FGF12: variants seen among roughly 807,000 people sequenced by gnomAD.
The protein encoded by FGF12 is fibroblast growth factor 12B.
FGF12 carries 14 observed loss-of-function variants against 23.6 expected under a neutral mutation model. The ratio of observed to expected loss-of-function variants is 0.59; its 90% CI spans 0.39 to 0.93. FGF12 has a LOEUF of 0.93. Among genes scored for constraint, FGF12 ranks in the 40% least tolerant of loss-of-function variants. FGF12 has a pLI of 0.00. For missense variants in FGF12, 175 were observed against 217.8 expected (o/e 0.80, Z 1.24); for synonymous variants, 62 against 77.3 (o/e 0.80, Z 1.04).
intron 4 of FGF12, among the ~76,000 whole-genome samples, chr3:192,256,421 TATAG>T (rs1355172637): frequency 2.0e-5 from 3 of 151,684 alleles, no homozygotes; most frequent in Non-Finnish European, 4.4e-5. Context: ...CTTGTTACTG[TATAG>T]ATATTTACAT....
intron 2 of FGF12, among the ~76,000 whole-genome samples, chr3:192,504,418 C>T (rs187404752): frequency 6.6e-6 from 1 of 152,342 alleles, no homozygotes; most frequent in Non-Finnish European, 1.5e-5. Flanking sequence ...TTTGCTCTCT[C>T]ACTTTCCACA....
chr3:192,143,750 T>A lies in FGF12; in HGVS notation c.*259A>T. On this transcript the variant is annotated 3_prime_UTR_variant, in exon 6 of 6. Coordinates refer to ENST00000445105, the MANE Select transcript of FGF12 (RefSeq NM_004113.6). ...CAGTTTAATTTAATATTTATGGAGT[T>A]CTGATTTATTTTTTCCTTTGCTTTT... 8.0e-6 allele frequency: 3 copies of A among 375,874 alleles called. No individual in the cohort carries two copies. Among genetic ancestry groups the A allele is most frequent in the Non-Finnish European group, 1.4e-5 (3 of 209,840 alleles). 23.3% of individuals were successfully genotyped at this position (375,874 alleles called of 1,614,324 possible). A position where few individuals can be genotyped will look rare whatever the true frequency, so the allele number is the denominator to read the frequency against.
Position 192,143,221 on chromosome 3 carries a change from TAAAAAA to T in FGF12, c.*782_*787del, listed in dbSNP as rs201536757. ...AACAGTAATGTTTTTGCTAAATTAC[TAAAAAA>T]AAAAAAAAAAGAAAGAAAGAAGAAC... On this transcript the variant is annotated 3_prime_UTR_variant, in exon 6 of 6. Coordinates refer to ENST00000445105, the MANE Select transcript of FGF12 (RefSeq NM_004113.6). The T allele has an allele frequency of 6.0e-5, 6 of 99,258 alleles. No individual in the cohort carries two copies. Among genetic ancestry groups the T allele is most frequent in the African/African-American group, 1.9e-4 (5 of 26,638 alleles). 6.1% of individuals were successfully genotyped at this position (99,258 alleles called of 1,614,324 possible). A position where few individuals can be genotyped will look rare whatever the true frequency, so the allele number is the denominator to read the frequency against.
chr3:192,591,957 A>G (rs944793207), intron 2 of FGF12, among the ~76,000 whole-genome samples: 13 of 151,676 alleles, frequency 8.6e-5, no homozygotes, highest in Admixed American at 6.6e-4. Flanking sequence ...TGGTTTAACC[A>G]GAAAAAAAAA....
chr3:192,539,986 G>A (rs904737118), intron 2 of FGF12, among the ~76,000 whole-genome samples: 1 of 151,852 alleles, frequency 6.6e-6, no homozygotes, highest in Non-Finnish European at 1.5e-5. Context: ...TGCAGTATCA[G>A]TTGTGAAGTC....
intron 2 of FGF12, among the ~76,000 whole-genome samples, chr3:192,435,066 C>G (rs1420051215): frequency 6.6e-6 from 1 of 152,118 alleles, no homozygotes; most frequent in Non-Finnish European, 1.5e-5. Context: ...CAGCTCCTAT[C>G]CCCGTCTTGG....
At chr3:192,500,808 C>A (rs1724111523) in intron 2 of FGF12, among the ~76,000 whole-genome samples, 1 of 152,104 alleles carries the variant, frequency 6.6e-6, no homozygotes, top group Non-Finnish European at 1.5e-5. Context: ...CACTATAATC[C>A]CCATAAAGTA....
intron 4 of FGF12, among the ~76,000 whole-genome samples, chr3:192,294,471 G>T (rs951630913): frequency 5.3e-5 from 8 of 152,156 alleles, no homozygotes; most frequent in African/African-American, 1.9e-4. Context: ...ACTGTTCCCT[G>T]TCATCGCTGT....
chr3:192,649,471 T>A (rs1007736186), intron 2 of FGF12, among the ~76,000 whole-genome samples: 58 of 152,144 alleles, frequency 3.8e-4, no homozygotes, highest in African/African-American at 1.4e-3. Flanking sequence ...TTTATTCTTA[T>A]TATTATAACT....
intron 2 of FGF12, among the ~76,000 whole-genome samples, chr3:192,692,492 C>T (rs1174837991): frequency 6.6e-6 from 1 of 152,058 alleles, no homozygotes; most frequent in Non-Finnish European, 1.5e-5. Flanking sequence ...ATCGCTAGAG[C>T]TCAGGCATTC....
chr3:192,255,864 G>A (rs567802857), intron 4 of FGF12, among the ~76,000 whole-genome samples: 12 of 152,094 alleles, frequency 7.9e-5, no homozygotes, highest in East Asian at 1.9e-4. Context: ...TGTCTTTCCC[G>A]AAGTTATATG....
rs912804989 is a variant in FGF12, at chr3:192,437,462, G to T, written c.14-76924C>A. Reference sequence around the variant, plus strand: ...AATCCCAGCACTTTGGGAGGTCAAGGTGGGTGGATCACAAGGTCAGGAGTT... The same window carrying T: ...AATCCCAGCACTTTGGGAGGTCAAGTTGGGTGGATCACAAGGTCAGGAGTT... On this transcript the variant is annotated intron_variant, in intron 2 of 5. Coordinates refer to ENST00000445105, the MANE Select transcript of FGF12 (RefSeq NM_004113.6). Among the ~76,000 whole-genome samples the T allele has an allele frequency of 2.6e-5, 4 of 152,174 alleles. No individual in the cohort carries two copies. In the South Asian group the frequency reaches 8.3e-4, roughly 32 times the overall value.
intron 2 of FGF12, among the ~76,000 whole-genome samples, chr3:192,438,266 C>T (rs1289354702): frequency 2.0e-5 from 3 of 152,232 alleles, no homozygotes; most frequent in Non-Finnish European, 2.9e-5. Context: ...AACTTTACAA[C>T]GATAGCTCAT....
At chr3:192,345,755 T>C (rs1717930282) in intron 3 of FGF12, among the ~76,000 whole-genome samples, 1 of 151,484 alleles carries the variant, frequency 6.6e-6, no homozygotes, top group Non-Finnish European at 1.5e-5. Context: ...GTGAAGAAAG[T>C]AGGAAAAACA....
intron 2 of FGF12, among the ~76,000 whole-genome samples, chr3:192,648,548 A>G (rs1248910141): frequency 6.6e-6 from 1 of 152,050 alleles, no homozygotes; most frequent in Non-Finnish European, 1.5e-5. Flanking sequence ...CCCTTTTAAC[A>G]AAAGCAAATT....
chr3:192,358,778 TCG>T (rs1233393551), intron 3 of FGF12, among the ~76,000 whole-genome samples: 1 of 152,220 alleles, frequency 6.6e-6, no homozygotes, highest in Middle Eastern at 3.2e-3. Flanking sequence ...ATATGGCTAA[TCG>T]TCTTACTTGG....
chr3:192,408,265 C>A lies in FGF12; in HGVS notation c.14-47727G>T, dbSNP rs1289539621. On this transcript the variant is annotated intron_variant, in intron 2 of 5. Transcript: ENST00000445105. This position sits in a 1 kb window ranked among gnomAD's most constrained non-coding sequence, Gnocchi z 7.3. ...CCTCAGGCCCCAGCCTCTACTGCGCCCTCCGGCTTGCGCTCCGCCGGGGCG... is the reference window on the plus strand; with the variant it reads ...CCTCAGGCCCCAGCCTCTACTGCGCACTCCGGCTTGCGCTCCGCCGGGGCG... 1 of 1,530,354 alleles carries A rather than the reference C, an allele frequency of 6.5e-7. No homozygotes were observed. The highest frequency in any genetic ancestry group is 2.0e-5 in the Admixed American group (1 of 50,584). 94.8% of individuals were successfully genotyped at this position (1,530,354 alleles called of 1,614,324 possible). A position where few individuals can be genotyped will look rare whatever the true frequency, so the allele number is the denominator to read the frequency against.
At chr3:192,605,462 C>T (rs1714302490) in intron 2 of FGF12, among the ~76,000 whole-genome samples, 1 of 151,464 alleles carries the variant, frequency 6.6e-6, no homozygotes, top group African/African-American at 2.4e-5. Flanking sequence ...GAATCTATTA[C>T]TAAGTCCTCA....
At chr3:192,239,680 T>C (rs1027057202) in intron 4 of FGF12, among the ~76,000 whole-genome samples, 2 of 152,202 alleles carry the variant, frequency 1.3e-5, no homozygotes, top group South Asian at 2.1e-4. Flanking sequence ...ATATGAGGGA[T>C]CTAGGCTGAG....
Sources: gnomAD v4.1 joint callset for allele counts (sites outside exome capture counted in the v4.1 genomes callset) on GRCh38, gnomAD v4.1.1 for gene constraint, Gnocchi (gnomAD v3.1) non-coding constraint, MANE v1.5 for transcripts, NCBI Gene and HGNC (gene_info 2026-07-23, HGNC 2026-07-21) for gene names.